METTL22: variants seen among roughly 807,000 people sequenced by gnomAD.
METTL22 encodes the protein methyltransferase-like protein 22.
Under a neutral mutation model 48.4 loss-of-function variants are expected in METTL22, and 51 were observed. The observed-to-expected ratio is 1.05, with a 90% CI of 0.84 to 1.33. METTL22 has a LOEUF of 1.33. Among genes scored for constraint, METTL22 ranks in the 40% most tolerant of loss-of-function variants. The pLI is 0.00. For missense variants in METTL22, 678 were observed against 526.9 expected, an observed-to-expected ratio of 1.29 and a Z score of -2.81; for synonymous variants, 255 against 214.1, an observed-to-expected ratio of 1.19 and a Z score of -1.67.
the METTL22 span, among the ~76,000 whole-genome samples, chr16:8,665,559 G>A: frequency 1.3e-5 from 2 of 152,214 alleles, no homozygotes; most frequent in Non-Finnish European, 2.9e-5. Context: ...TCGTAGGACA[G>A]GTATTTGAAA....
the METTL22 span, among the ~76,000 whole-genome samples, chr16:8,657,521 C>T: frequency 6.6e-6 from 1 of 152,058 alleles, no homozygotes; most frequent in South Asian, 2.1e-4. Context: ...AAGACTTGTC[C>T]CCCATAAAAC....
At chr16:8,665,254 CA>C in the METTL22 span, among the ~76,000 whole-genome samples, 10 of 152,114 alleles carry the variant, frequency 6.6e-5, no homozygotes, top group Admixed American at 2.0e-4. Flanking sequence ...TGCAGTGAGC[CA>C]AGACCGCACT....
At chr16:8,621,875 A>C (rs916082873) in intron 1 of METTL22, 100 bp downstream of exon 1, 2 of 152,316 alleles carry the variant, frequency 1.3e-5, no homozygotes, top group African/African-American at 4.8e-5. Flanking sequence ...TCGGAGGCCC[A>C]GATCCCTAAG....
chr16:8,639,890 CA>C (rs1273043366), intron 6 of METTL22, among the ~76,000 whole-genome samples: 15 of 152,142 alleles, frequency 9.9e-5, no homozygotes, highest in South Asian at 4.2e-4. Context: ...CAGCGCCCCC[CA>C]CCACCAACAG....
rs746196599 is a variant in METTL22 at position 8,642,124 on chromosome 16, T to C, written c.827-3T>C. 10 of 1,611,404 alleles carry C rather than the reference T, an allele frequency of 6.2e-6. No homozygotes were observed. Among genetic ancestry groups the C allele is most frequent in the Non-Finnish European group, 8.5e-7 (1 of 1,177,448 alleles). On this transcript the variant is annotated splice_polypyrimidine_tract_variant and splice_region_variant and intron_variant, in intron 7 of 10. Coordinates refer to ENST00000381920, the MANE Select transcript of METTL22 (RefSeq NM_024109.4). Reference sequence around the variant, plus strand: ...CACAAAGTGTGCTTTTGTTCTTTCTTAGATCCCAAGGTCCCCTTCAGTTGG... The same window carrying C: ...CACAAAGTGTGCTTTTGTTCTTTCTCAGATCCCAAGGTCCCCTTCAGTTGG...
At position 8,646,454 on chromosome 16, in the gene METTL22, GT is replaced by G. The variant is rs1269703364; in HGVS notation, c.*312del. ...CACCCACGTCAGTCATTTCAGCTGTGTGCTTTACTTGCGGTTGCGGCCCTGG... is the reference window on the plus strand; with the variant it reads ...CACCCACGTCAGTCATTTCAGCTGTGGCTTTACTTGCGGTTGCGGCCCTGG... On this transcript the variant is annotated 3_prime_UTR_variant, in exon 11 of 11. Transcript: ENST00000381920. The G allele has an allele frequency of 1.6e-6, 1 of 621,534 alleles. No homozygotes were observed. The highest frequency in any genetic ancestry group is 1.5e-5 in the South Asian group (1 of 66,084). 38.5% of individuals were successfully genotyped at this position (621,534 alleles called of 1,614,324 possible).
At chr16:8,661,519 G>A in the METTL22 span, among the ~76,000 whole-genome samples, 43 of 140,826 alleles carry the variant, frequency 3.1e-4, 5 homozygotes, top group African/African-American at 9.1e-4. Flanking sequence ...GGTGGCGGGC[G>A]CCTGTAGTCC....
the METTL22 span, among the ~76,000 whole-genome samples, chr16:8,655,428 G>A: frequency 2.4e-4 from 36 of 152,342 alleles, no homozygotes; most frequent in Admixed American, 1.9e-3. Flanking sequence ...GGGGGCCTCT[G>A]ATAAAGCCAG....
the METTL22 span, among the ~76,000 whole-genome samples, chr16:8,659,308 G>C: frequency 6.6e-6 from 1 of 150,786 alleles, no homozygotes; most frequent in South Asian, 2.1e-4. Context: ...TCTAGCCTGG[G>C]CAACAGAATG....
chr16:8,657,758 G>A, the METTL22 span, among the ~76,000 whole-genome samples: 42,461 of 150,916 alleles, frequency 0.28, 7,334 homozygotes, highest in African/African-American at 0.49. Flanking sequence ...CTTGACAGTC[G>A]TCCTGGATTT....
chr16:8,647,671 T>C lies in METTL22; in HGVS notation c.*1528T>C, dbSNP rs1369624197. On this transcript the variant is annotated 3_prime_UTR_variant, in exon 11 of 11. Transcript: ENST00000381920. ...GCGCCGAGGCGGAGAAATCCTGACT[T>C]GGAAGAAGAAAGCCAAGTACTTTAG... 1 of 152,188 alleles carries C rather than the reference T, an allele frequency of 6.6e-6. No individual in the cohort carries two copies. The highest frequency in any genetic ancestry group is 2.4e-5 in the African/African-American group (1 of 41,424). The allele number at this position is 152,188 out of a possible 1,614,324, so 9.4% of individuals were successfully genotyped here.
rs745452183 is a variant in METTL22, at chr16:8,644,603, G to T, written c.1057G>T (p.Asp353Tyr). 6.2e-7 allele frequency: 1 copy of T among 1,601,316 alleles called. No individual in the cohort carries two copies. Among genetic ancestry groups the T allele is most frequent in the African/African-American group, 1.3e-5 (1 of 74,620 alleles). ...CTTGGACGTCACATGTGAAGCCTAC[G>T]ATCACTTCCGCTCCTGCCTGCACGC... ...RHLDVTCEAY[D>Y]HFRSCLHALE... is the part of the protein sequence containing the mutation. Residue 353 changes from aspartate to tyrosine, a missense_variant, in exon 10 of 11, where the codon GAT becomes TAT. Physicochemically the swap from Asp to Tyr is radical, Grantham distance 160. Coordinates refer to ENST00000381920, the MANE Select transcript of METTL22 (RefSeq NM_024109.4).
chr16:8,626,922 A>G (rs528346312), intron 2 of METTL22, among the ~76,000 whole-genome samples: 1 of 151,712 alleles, frequency 6.6e-6, no homozygotes, highest in South Asian at 2.1e-4. Context: ...ACCCGCCACC[A>G]CGCCTGGCTA....
At chr16:8,665,152 T>C in the METTL22 span, among the ~76,000 whole-genome samples, 2 of 150,370 alleles carry the variant, frequency 1.3e-5, no homozygotes, top group African/African-American at 5.0e-5. Flanking sequence ...AAAAAAGTAA[T>C]AATAATAAAC....
At chr16:8,658,690 T>G in the METTL22 span, among the ~76,000 whole-genome samples, 40,491 of 152,138 alleles carry the variant, frequency 0.27, 6,619 homozygotes, top group African/African-American at 0.46. Context: ...TTCCTGCTAT[T>G]AACATATCTC....
At chr16:8,662,688 C>T in the METTL22 span, among the ~76,000 whole-genome samples, 18 of 143,738 alleles carry the variant, frequency 1.3e-4, 2 homozygotes, top group Non-Finnish European at 2.3e-4. Flanking sequence ...AGAGCCTTCC[C>T]CCAGCACCCC....
chr16:8,661,550 G>GC, the METTL22 span, among the ~76,000 whole-genome samples: 2 of 138,096 alleles, frequency 1.4e-5, no homozygotes, highest in Admixed American at 7.6e-5. Context: ...GGAGGCTGAG[G>GC]AGGAGAATGG....
intron 8 of METTL22, 107 bp from the exon 9 acceptor site, chr16:8,642,356 G>C: frequency 1.6e-6 from 2 of 1,281,408 alleles, no homozygotes; most frequent in Non-Finnish European, 2.3e-6. Flanking sequence ...GGAAGCTGCT[G>C]CTGTTCCGTG....
the METTL22 span, among the ~76,000 whole-genome samples, chr16:8,659,680 A>C: frequency 1.3e-5 from 2 of 152,126 alleles, no homozygotes; most frequent in African/African-American, 2.4e-5. Context: ...AGGACAGTGC[A>C]GCACTTGTGT....
Sources: allele counts gnomAD v4.1 joint callset (sites outside exome capture counted in the v4.1 genomes callset), GRCh38; gene constraint gnomAD v4.1.1; transcripts MANE v1.5; gene names NCBI Gene and HGNC (gene_info 2026-07-23, HGNC 2026-07-21).